The following DSP variants were observed in gnomAD, a reference collection of about 807,000 sequenced individuals.
The protein encoded by DSP is 250/210 kDa paraneoplastic pemphigus antigen.
A neutral mutation model predicts 290.6 loss-of-function variants in DSP; 114 were observed. The ratio of observed to expected loss-of-function variants is 0.39; its 90% CI spans 0.34 to 0.46. The LOEUF (loss-of-function observed/expected upper bound fraction) is 0.46, where lower values mean the gene tolerates loss of function less well. DSP is among the 20% of genes least tolerant of loss of function. DSP has a pLI of 0.99. For synonymous variants in DSP, 1,311 were observed against 1,316.4 expected (o/e 1.00, Z 0.09); for missense variants, 3,230 against 3,495.8 (o/e 0.92, Z 1.92).
intron 1 of DSP, among the ~76,000 whole-genome samples, chr6:7,545,647 A>G (rs573858272): frequency 2.6e-5 from 4 of 152,316 alleles, no homozygotes; most frequent in East Asian, 1.9e-4. Flanking sequence ...TCCAAGGAAG[A>G]TAAGTACACG....
chr6:7,557,583 G>C (rs745396397), intron 2 of DSP, among the ~76,000 whole-genome samples: 6 of 152,164 alleles, frequency 3.9e-5, no homozygotes, highest in African/African-American at 7.2e-5. Context: ...AGGAGCCTGA[G>C]GCAGGAGAAT....
intron 18 of DSP, 23 bp from the exon 19 acceptor site, chr6:7,576,271 T>C: frequency 6.2e-7 from 1 of 1,612,040 alleles, no homozygotes; most frequent in Non-Finnish European, 8.5e-7. Flanking sequence ...GATAATGATT[T>C]TATTGTATCT....
rs779196321 is a variant in DSP at position 7,583,381 on chromosome 6, T to G, written c.6119T>G (p.Ile2040Ser). The change falls in exon 24 of 24, where the codon ATC becomes AGC. Residue 2040 changes from isoleucine to serine, a missense_variant. Transcript: ENST00000379802. The surrounding 1 kb of genome is among the most constrained non-coding windows in gnomAD (Gnocchi z 4.0). Reference sequence around the variant, plus strand: ...GTAGAGGCCAAGAGAAAGAAATTAATCAGCCCAGAATCCACAGTCATGCTT... The same window carrying G: ...GTAGAGGCCAAGAGAAAGAAATTAAGCAGCCCAGAATCCACAGTCATGCTT... The part of the protein sequence containing the change: ...SLVEAKRKKL[I>S]SPESTVMLLE... 6.2e-7 allele frequency: 1 copy of G among 1,614,032 alleles called. No individual in the cohort carries two copies. Among genetic ancestry groups the G allele is most frequent in the African/African-American group, 1.3e-5 (1 of 74,904 alleles).
chr6:7,561,110 G>A (rs1293242574), intron 4 of DSP, among the ~76,000 whole-genome samples: 1 of 151,942 alleles, frequency 6.6e-6, no homozygotes, highest in East Asian at 1.9e-4. Context: ...TGCCACCATG[G>A]CAAGCTGATT....
rs113911006 is a variant in DSP, at chr6:7,565,037, G to A, written c.778-322G>A. Among the ~76,000 whole-genome samples the A allele has an allele frequency of 2.1e-3, 327 of 152,220 alleles. 3 individuals are homozygous for A. Among genetic ancestry groups the A allele is most frequent in the African/African-American group, 7.3e-3 (303 of 41,540 alleles). ...TGCATGTCTGTAATCCCACCTACTC[G>A]GGAAGCTGAGGCAGGAGAATCGCTT... On this transcript the variant is annotated intron_variant, in intron 6 of 23. Transcript: ENST00000379802. The surrounding 1 kb of genome is among the most constrained non-coding windows in gnomAD (Gnocchi z 4.2).
intron 21 of DSP, among the ~76,000 whole-genome samples, chr6:7,578,237 T>C (rs1301452198): frequency 6.6e-6 from 1 of 152,252 alleles, no homozygotes; most frequent in East Asian, 1.9e-4. Flanking sequence ...GAGACTATCG[T>C]ACCTGTCAGA....
chr6:7,557,045 G>A, intron 2 of DSP, among the ~76,000 whole-genome samples: 1 of 152,136 alleles, frequency 6.6e-6, no homozygotes, highest in East Asian at 1.9e-4. Context: ...AACAGGTTAG[G>A]GAAATAGTGT....
In DSP at chr6:7,583,180, A is replaced by G. The variant is rs376397314; in HGVS notation, c.5918A>G (p.Lys1973Arg). ...TSKLVFDGLR[K>R]KVTAMQLYEC... The stretch of plus-strand genomic sequence containing the variant: ...AAGCTGGTGTTTGATGGGCTGAGGA[A>G]GAAGGTGACAGCAATGCAGCTCTAT... Residue 1973 changes from lysine (K) to arginine (R), a missense_variant, in exon 24 of 24, where the codon AAG becomes AGG. Coordinates refer to ENST00000379802, the MANE Select transcript of DSP (RefSeq NM_004415.4). This position sits in a 1 kb window ranked among gnomAD's most constrained non-coding sequence, Gnocchi z 4.0. 5 of 1,614,144 alleles carry G rather than the reference A, an allele frequency of 3.1e-6. No homozygotes were observed. Among genetic ancestry groups the G allele is most frequent in the Non-Finnish European group, 4.2e-6 (5 of 1,180,034 alleles).
At position 7,575,294 on chromosome 6, in the gene DSP, G is replaced by A; in HGVS notation, c.2437-1G>A. ...CAATCTTTTTTTTTTTCATCTTGCA[G>A]AAAATAAAAAATGACTTGAACTTGA... On this transcript the variant is annotated splice_acceptor_variant, in intron 17 of 23. Transcript: ENST00000379802. LOFTEE classifies it high-confidence loss of function. 1 of 1,613,198 alleles carries A rather than the reference G, an allele frequency of 6.2e-7. No individual in the cohort carries two copies. Among genetic ancestry groups the A allele is most frequent in the Non-Finnish European group, 8.5e-7 (1 of 1,179,730 alleles).
rs574933592 is a variant in DSP, at chr6:7,572,853, G to A, written c.2130+785G>A. 6.6e-5 allele frequency among the ~76,000 whole-genome samples: 10 copies of A among 152,308 alleles called. No homozygotes were observed. The East Asian group carries it at 1.7e-3, about 26-fold the overall frequency. The stretch of plus-strand genomic sequence containing the variant: ...ATGGTATAGCCTACTATACACCTAG[G>A]CTACAAACCTGTAGGGCATGTGACT... On this transcript the variant is annotated intron_variant, in intron 15 of 23. Coordinates refer to ENST00000379802, the MANE Select transcript of DSP (RefSeq NM_004415.4).
At chr6:7,578,410 G>A (rs1759313728) in intron 21 of DSP, 54 bp from the exon 22 acceptor site, 1 of 1,473,686 alleles carries the variant, frequency 6.8e-7, no homozygotes, top group African/African-American at 1.4e-5. Flanking sequence ...AAATTACATA[G>A]GACTTTTTTT....
chr6:7,583,005 C>A lies in DSP; in HGVS notation c.5743C>A (p.Arg1915Ser), dbSNP rs1461028383. The change falls in exon 24 of 24, where the codon CGT becomes AGT. Residue 1915 changes from arginine to serine, a missense_variant. Around this residue, in one of 5 missense-constraint regions of DSP, gnomAD observed 1,714 missense variants for 1,844.5 expected, o/e 0.93. Coordinates refer to ENST00000379802, the MANE Select transcript of DSP (RefSeq NM_004415.4). This position sits in a 1 kb window ranked among gnomAD's most constrained non-coding sequence, Gnocchi z 4.0. ...EIKRIEERCR[R>S]KLEDSTRETQ... ...CAAGAGAATTGAAGAGAGGTGCAGGCGTAAGCTGGAGGATTCTACCAGGGA... is the reference window on the plus strand; with the variant it reads ...CAAGAGAATTGAAGAGAGGTGCAGGAGTAAGCTGGAGGATTCTACCAGGGA... 2 of 1,613,940 alleles carry A rather than the reference C, an allele frequency of 1.2e-6. No individual in the cohort carries two copies. The highest frequency in any genetic ancestry group is 4.5e-5 in the East Asian group (2 of 44,864).
intron 6 of DSP, among the ~76,000 whole-genome samples, chr6:7,564,359 T>C (rs1033261937): frequency 6.6e-6 from 1 of 152,262 alleles, no homozygotes; most frequent in African/African-American, 2.4e-5. Context: ...CTTTTGCCTA[T>C]TTGTGTCATC....
chr6:7,572,480 CAG>C (rs1759086099), intron 15 of DSP, among the ~76,000 whole-genome samples: 1 of 152,160 alleles, frequency 6.6e-6, no homozygotes, highest in African/African-American at 2.4e-5. Context: ...GCTCCTAACT[CAG>C]TGATGTTTTC....
In DSP at chr6:7,585,346, T is replaced by A. The variant is rs764994940; in HGVS notation, c.8084T>A (p.Phe2695Tyr). ...AGGCTGAAGCCTGCTCAGAAAGCCT[T>A]CATAGGCTTCGAGGGTGTGAAGGGA... ...ATRLKPAQKA[F>Y]IGFEGVKGKK... Residue 2695 changes from phenylalanine to tyrosine, a missense_variant, in exon 24 of 24, where the codon TTC becomes TAC. Coordinates refer to ENST00000379802, the MANE Select transcript of DSP (RefSeq NM_004415.4). 22 of 1,613,924 alleles carry A rather than the reference T, an allele frequency of 1.4e-5. No individual in the cohort carries two copies. The Admixed American group carries it at 2.5e-4, about 18-fold the overall frequency.
intron 1 of DSP, among the ~76,000 whole-genome samples, chr6:7,542,386 G>A (rs1305312155): frequency 6.6e-6 from 1 of 152,144 alleles, no homozygotes; most frequent in East Asian, 1.9e-4. Flanking sequence ...TGCTGGACAC[G>A]GCTGCAGCCG....
At chr6:7,574,870 C>T (rs1404634624) in intron 17 of DSP, 75 bp downstream of exon 17, 5 of 1,604,294 alleles carry the variant, frequency 3.1e-6, no homozygotes, top group Non-Finnish European at 4.3e-6. Context: ...TATAAAGCCT[C>T]ACTGGGTTTT....
rs1189597996 is a variant in DSP at position 7,580,402 on chromosome 6, C to T, written c.4212C>T (p.Ser1404=). 1.9e-6 allele frequency: 3 copies of T among 1,613,980 alleles called. No homozygotes were observed. Among genetic ancestry groups the T allele is most frequent in the Non-Finnish European group, 2.5e-6 (3 of 1,179,986 alleles). The change falls in exon 23 of 24, where the codon AGC becomes AGT. Residue 1404 remains serine (S), a synonymous_variant. Coordinates refer to ENST00000379802, the MANE Select transcript of DSP (RefSeq NM_004415.4). This position sits in a 1 kb window ranked among gnomAD's most constrained non-coding sequence, Gnocchi z 4.2. ...ACAATCTCACCCGAGAAAACAGGAG[C>T]TTATCTGAAGAAATAAAGAGGCTGA... The part of the protein sequence containing the change: ...QIDNLTRENR[S]LSEEIKRLKN...
intron 1 of DSP, among the ~76,000 whole-genome samples, chr6:7,543,219 C>A (rs1233228035): frequency 6.6e-6 from 1 of 152,074 alleles, no homozygotes; most frequent in Non-Finnish European, 1.5e-5. Context: ...CCCTGAGCGC[C>A]GGGACGTTAT....
Sources: allele counts gnomAD v4.1 joint callset (sites outside exome capture counted in the v4.1 genomes callset), GRCh38; gene constraint gnomAD v4.1.1; regional missense constraint gnomAD v4.1.1; non-coding constraint Gnocchi (gnomAD v3.1); transcripts MANE v1.5; gene names NCBI Gene and HGNC (gene_info 2026-07-23, HGNC 2026-07-21).